SUMF1: variants seen among roughly 807,000 people sequenced by gnomAD.
The protein encoded by SUMF1 is formylglycine-generating enzyme.
SUMF1 carries 48 observed loss-of-function variants against 47.6 expected under a neutral mutation model. The ratio of observed to expected loss-of-function variants is 1.01; its 90% CI spans 0.80 to 1.28. The LOEUF (loss-of-function observed/expected upper bound fraction) is 1.28. Ranked by LOEUF, SUMF1 falls within the 50% of genes most tolerant of loss-of-function variation. The pLI is 0.00. For synonymous variants in SUMF1, 230 were observed against 192.1 expected (o/e 1.20, Z -1.63); for missense variants, 571 against 485.4 (o/e 1.18, Z -1.66).
intron 7 of SUMF1, among the ~76,000 whole-genome samples, chr3:4,401,204 T>C (rs56159443): frequency 0.036 from 5,504 of 152,178 alleles, 199 homozygotes; most frequent in African/African-American, 0.09. Flanking sequence ...TTTCTTAATC[T>C]AGTTTATCAC....
At chr3:4,137,940 G>T (rs548458995) in intron 8 of SUMF1, among the ~76,000 whole-genome samples, 63 of 150,454 alleles carry the variant, frequency 4.2e-4, no homozygotes, top group African/African-American at 1.4e-3. Flanking sequence ...CACATTATTA[G>T]AACTAATAAG....
chr3:4,393,279 A>G (rs1346047419), intron 7 of SUMF1, among the ~76,000 whole-genome samples: 1 of 152,096 alleles, frequency 6.6e-6, no homozygotes, highest in Non-Finnish European at 1.5e-5. Flanking sequence ...GAATCAAGTC[A>G]ATCTTTGGCT....
At chr3:4,430,730 G>T (rs531746062) in intron 3 of SUMF1, among the ~76,000 whole-genome samples, 3 of 152,226 alleles carry the variant, frequency 2.0e-5, no homozygotes, top group Admixed American at 6.5e-5. Flanking sequence ...TCTAAGTACT[G>T]TGGCCAAGAG....
intron 9 of SUMF1, among the ~76,000 whole-genome samples, chr3:4,046,004 T>C (rs985422077): frequency 3.3e-5 from 5 of 152,136 alleles, no homozygotes. Context: ...TGAGCTATGA[T>C]TGCACCACTA....
At chr3:4,213,037 A>G (rs1695834024) in intron 8 of SUMF1, among the ~76,000 whole-genome samples, 1 of 152,168 alleles carries the variant, frequency 6.6e-6, no homozygotes, top group Non-Finnish European at 1.5e-5. Flanking sequence ...ACAGGCCAAC[A>G]TTCAAATTCA....
Position 4,319,886 on chromosome 3 carries a change from G to A in SUMF1, c.1014+56444C>T, listed in dbSNP as rs150236659. Among the ~76,000 whole-genome samples, 34 of 152,274 alleles carry A rather than the reference G, an allele frequency of 2.2e-4. No individual in the cohort carries two copies. In the East Asian group the frequency reaches 6.4e-3, roughly 29 times the overall value. ...GAACCTTAAATGCATACTGTTAAGT[G>A]AGAGAAGTCATTCTGAACAGGCTGC... On this transcript the variant is annotated intron_variant and NMD_transcript_variant, in intron 8 of 12. Transcript: ENST00000448413.
At chr3:4,327,410 G>GTTT (rs1698967546) in intron 8 of SUMF1, among the ~76,000 whole-genome samples, 2 of 152,134 alleles carry the variant, frequency 1.3e-5, no homozygotes, top group Non-Finnish European at 2.9e-5. Flanking sequence ...TGTTGTTGTT[G>GTTT]TTGTTTTCTG....
chr3:4,425,343 T>C (rs1702034317), intron 3 of SUMF1, among the ~76,000 whole-genome samples: 1 of 152,206 alleles, frequency 6.6e-6, no homozygotes, highest in South Asian at 2.1e-4. Flanking sequence ...AATTTAAAAA[T>C]ACATGTAAAG....
intron 8 of SUMF1, chr3:4,314,036 T>A: frequency 1.8e-6 from 1 of 540,592 alleles, no homozygotes; most frequent in Non-Finnish European, 3.2e-6. Context: ...TAAATGGAGA[T>A]ATCCTGCCCT....
chr3:4,358,429 C>T (rs953171074), downstream of SUMF1, among the ~76,000 whole-genome samples: 5 of 152,160 alleles, frequency 3.3e-5, no homozygotes, highest in South Asian at 2.1e-4. Flanking sequence ...ACGGTCTGCT[C>T]GGCTCCAACT....
chr3:4,229,762 C>T (rs1046732010), intron 8 of SUMF1, among the ~76,000 whole-genome samples: 2 of 151,996 alleles, frequency 1.3e-5, no homozygotes, highest in African/African-American at 4.8e-5. Flanking sequence ...GTCTCTAATC[C>T]CAGCACTTTG....
chr3:4,244,659 C>A (rs1009581040), intron 8 of SUMF1, among the ~76,000 whole-genome samples: 6 of 152,182 alleles, frequency 3.9e-5, no homozygotes, highest in African/African-American at 1.4e-4. Flanking sequence ...TTGTGTGTAA[C>A]CCGACCTTTC....
intron 7 of SUMF1, among the ~76,000 whole-genome samples, chr3:4,387,794 C>T (rs1052898411): frequency 5.3e-5 from 8 of 152,002 alleles, no homozygotes; most frequent in Non-Finnish European, 1.2e-4. Context: ...GTTCAGTGCA[C>T]TGTTTGATTC....
At chr3:4,219,891 G>A (rs892330512) in intron 8 of SUMF1, among the ~76,000 whole-genome samples, 1 of 152,082 alleles carries the variant, frequency 6.6e-6, no homozygotes, top group Non-Finnish European at 1.5e-5. Flanking sequence ...GAAAATCCTG[G>A]GATGTTTTAA....
At chr3:4,163,910 G>A (rs1482087267) in intron 8 of SUMF1, among the ~76,000 whole-genome samples, 1 of 152,038 alleles carries the variant, frequency 6.6e-6, no homozygotes, top group Non-Finnish European at 1.5e-5. Context: ...CTACAGCCCT[G>A]CCCTGGAACA....
chr3:4,118,638 A>G (rs888308887), intron 8 of SUMF1, among the ~76,000 whole-genome samples: 3 of 152,240 alleles, frequency 2.0e-5, no homozygotes, highest in Admixed American at 2.0e-4. Flanking sequence ...TAGTAACTAC[A>G]CTTATTGAAG....
In SUMF1 at chr3:4,105,079, G is replaced by A. The variant is rs80030419; in HGVS notation, c.1015-36334C>T. On this transcript the variant is annotated intron_variant and NMD_transcript_variant, in intron 8 of 12. Coordinates refer to the SUMF1 transcript ENST00000448413. ...AAAAGAGAAGGAAATCCTGTCATTT[G>A]CTGCAACATGGATGAACCTGGAGGA... Among the ~76,000 whole-genome samples the A allele has an allele frequency of 6.9e-3, 1,049 of 152,244 alleles. 26 individuals carry two copies. Among genetic ancestry groups the A allele is most frequent in the African/African-American group, 0.024 (1,005 of 41,514 alleles).
chr3:4,232,016 G>A (rs1696309358), intron 8 of SUMF1, among the ~76,000 whole-genome samples: 1 of 152,146 alleles, frequency 6.6e-6, no homozygotes, highest in Non-Finnish European at 1.5e-5. Flanking sequence ...ATCAGAACAA[G>A]TAACTGAAAC....
At chr3:4,140,377 T>C (rs919906648) in intron 8 of SUMF1, among the ~76,000 whole-genome samples, 2 of 152,100 alleles carry the variant, frequency 1.3e-5, no homozygotes. Flanking sequence ...TTTAAAAGGA[T>C]TCAGGAAACT....
Sources: allele counts gnomAD v4.1 joint callset (sites outside exome capture counted in the v4.1 genomes callset), GRCh38; gene constraint gnomAD v4.1.1; transcripts MANE v1.5; gene names NCBI Gene and HGNC (gene_info 2026-07-23, HGNC 2026-07-21).